ASIC2: variants seen among roughly 807,000 people sequenced by gnomAD.
The protein encoded by ASIC2 is acid sensing ion channel subunit 2.
A neutral mutation model predicts 57.3 loss-of-function variants in ASIC2; 25 were observed. The ratio of observed to expected loss-of-function variants is 0.44; its 90% confidence interval spans 0.32 to 0.61. The LOEUF is 0.61. ASIC2 is among the 20% of genes least tolerant of loss of function. The pLI is 0.06. For synonymous variants in ASIC2, 319 were observed against 307.5 expected (o/e 1.04, Z -0.39); for missense variants, 641 against 738.1 (o/e 0.87, Z 1.52).
chr17:34,076,258 G>A (rs537603210), intron 1 of ASIC2, among the ~76,000 whole-genome samples: 1 of 152,190 alleles, frequency 6.6e-6, no homozygotes, highest in South Asian at 2.1e-4. Context: ...ACCCGCCTTG[G>A]CCTCCCAAAG....
intron 1 of ASIC2, among the ~76,000 whole-genome samples, chr17:33,645,582 A>T (rs1370201364): frequency 1.3e-5 from 2 of 152,184 alleles, no homozygotes; most frequent in African/African-American, 2.4e-5. Flanking sequence ...TTTCTTATGA[A>T]TGGGGACACT....
At chr17:33,425,529 C>T (rs1047872608) in intron 1 of ASIC2, among the ~76,000 whole-genome samples, 1 of 151,926 alleles carries the variant, frequency 6.6e-6, no homozygotes, top group Non-Finnish European at 1.5e-5. Context: ...GTGAGAGTGC[C>T]GTGGGGGTTC....
intron 1 of ASIC2, among the ~76,000 whole-genome samples, chr17:33,817,903 T>C (rs1036057779): frequency 5.3e-5 from 8 of 152,302 alleles, no homozygotes; most frequent in African/African-American, 1.9e-4. Flanking sequence ...GCGCTGCTAC[T>C]GCTTGGGCAT....
chr17:33,989,384 C>G (rs1378822196), intron 1 of ASIC2, among the ~76,000 whole-genome samples: 1 of 152,000 alleles, frequency 6.6e-6, no homozygotes, highest in African/African-American at 2.4e-5. Flanking sequence ...GAGGTGCTTA[C>G]ACAACAGAGG....
rs931269701 is a variant in ASIC2 at position 33,882,118 on chromosome 17, A to T, written c.555+273860T>A. ...TTATGCAAAAATTAATTCAAGATGG[A>T]TTAAAGACTTAAATGTTAGACCTAA... On this transcript the variant is annotated intron_variant, in intron 1 of 9. Coordinates refer to the ASIC2 transcript ENST00000359872. 4.6e-5 allele frequency among the ~76,000 whole-genome samples: 7 copies of T among 152,248 alleles called. No homozygotes were observed. In the South Asian group the frequency reaches 1.2e-3, roughly 27 times the overall value.
chr17:33,762,686 C>G (rs1481963745), intron 1 of ASIC2, among the ~76,000 whole-genome samples: 3 of 152,206 alleles, frequency 2.0e-5, no homozygotes, highest in Non-Finnish European at 4.4e-5. Flanking sequence ...ACGACTCAGT[C>G]CAGGCCAAGT....
chr17:33,729,170 T>C (rs906142580), intron 1 of ASIC2, among the ~76,000 whole-genome samples: 2 of 152,176 alleles, frequency 1.3e-5, no homozygotes, highest in Non-Finnish European at 2.9e-5. Context: ...CAGCGTCTGC[T>C]TCTAGGGAGG....
chr17:34,081,074 T>C (rs191345002), intron 1 of ASIC2: 2 of 152,276 alleles, frequency 1.3e-5, no homozygotes, highest in East Asian at 3.9e-4. Context: ...TTATAGCCCA[T>C]GAAGAGATGC....
chr17:33,067,597 T>C (rs937776192), intron 3 of ASIC2, among the ~76,000 whole-genome samples: 6 of 152,174 alleles, frequency 3.9e-5, no homozygotes, highest in African/African-American at 1.2e-4. Flanking sequence ...CTTTATTCTT[T>C]AGAGTGCAGT....
At chr17:33,613,366 ATTC>A (rs1280266778) in intron 1 of ASIC2, among the ~76,000 whole-genome samples, 1 of 140,196 alleles carries the variant, frequency 7.1e-6, no homozygotes, top group Non-Finnish European at 1.6e-5. Flanking sequence ...AAGAATGTGT[ATTC>A]TTTTTTTTTT....
chr17:33,968,200 T>G (rs1415182382), intron 1 of ASIC2, among the ~76,000 whole-genome samples: 1 of 152,206 alleles, frequency 6.6e-6, no homozygotes, highest in African/African-American at 2.4e-5. Flanking sequence ...GTTAAATGAC[T>G]TTCTCACAAG....
rs1905470383 is a variant in ASIC2 at position 33,291,831 on chromosome 17, T to G, written c.285A>C (p.Thr95=). Residue 95 remains threonine (T), a synonymous_variant, in exon 1 of 10, where the codon ACA becomes ACC. Transcript: ENST00000225823. Reference sequence around the variant, plus strand: ...ACCAGGACAGCAGCAAGCCGAAGGATGTACAGAAGGCCAGCACCCACAGCG... The same window carrying G: ...ACCAGGACAGCAGCAAGCCGAAGGAGGTACAGAAGGCCAGCACCCACAGCG... The part of the protein sequence containing the change: ...RRALWVLAFC[T]SFGLLLSWSS... The G allele has an allele frequency of 1.2e-6, 2 of 1,611,528 alleles. No individual in the cohort carries two copies. The highest frequency in any genetic ancestry group is 3.3e-5 in the Admixed American group (2 of 59,980).
At chr17:33,767,842 G>A (rs1191038423) in intron 1 of ASIC2, among the ~76,000 whole-genome samples, 1 of 152,118 alleles carries the variant, frequency 6.6e-6, no homozygotes, top group South Asian at 2.1e-4. Context: ...GCTATAGGAG[G>A]TGAATTTTAC....
chr17:34,078,977 T>C (rs1040994573), intron 1 of ASIC2: 1 of 152,204 alleles, frequency 6.6e-6, no homozygotes, highest in Non-Finnish European at 1.5e-5. Context: ...GCAATTTTCC[T>C]TCCTAGTAGT....
intron 1 of ASIC2, among the ~76,000 whole-genome samples, chr17:33,284,343 T>C (rs994036794): frequency 1.3e-5 from 2 of 152,148 alleles, no homozygotes; most frequent in Non-Finnish European, 2.9e-5. Context: ...AGAATGAAAA[T>C]AGTGATTTAG....
At chr17:33,658,546 AAGAC>A (rs2142043030) in intron 1 of ASIC2, among the ~76,000 whole-genome samples, 1 of 152,324 alleles carries the variant, frequency 6.6e-6, no homozygotes, top group African/African-American at 2.4e-5. Context: ...TGGAAAGTCC[AAGAC>A]CAGGGCACTG....
intron 1 of ASIC2, among the ~76,000 whole-genome samples, chr17:33,416,465 A>C (rs1250776784): frequency 1.3e-5 from 2 of 152,072 alleles, no homozygotes; most frequent in Admixed American, 1.3e-4. Context: ...CTGACTGGTT[A>C]CTGGTTTTAA....
intron 1 of ASIC2, among the ~76,000 whole-genome samples, chr17:33,796,813 G>A (rs904466601): frequency 6.6e-6 from 1 of 152,190 alleles, no homozygotes; most frequent in African/African-American, 2.4e-5. Context: ...TAAGGGATGG[G>A]AACCCTGAGC....
At chr17:34,059,029 C>T (rs141720144) in intron 1 of ASIC2, among the ~76,000 whole-genome samples, 1 of 152,226 alleles carries the variant, frequency 6.6e-6, no homozygotes, top group Non-Finnish European at 1.5e-5. Flanking sequence ...ATTGCAGCTC[C>T]GGACAGAGCA....
Sources: gnomAD v4.1 joint callset for allele counts (sites outside exome capture counted in the v4.1 genomes callset) on GRCh38, gnomAD v4.1.1 for gene constraint, MANE v1.5 for transcripts, NCBI Gene and HGNC (gene_info 2026-07-23, HGNC 2026-07-21) for gene names.